The following FHAD1 variants were observed in gnomAD, a reference collection of about 807,000 sequenced individuals.
The protein encoded by FHAD1 is forkhead-associated domain-containing protein 1.
In FHAD1, 146 loss-of-function variants were observed where a neutral mutation model predicts 191.3. That is an observed-to-expected ratio of 0.76 (90% CI 0.67 to 0.88). The LOEUF is 0.88. Ranked by LOEUF, FHAD1 falls within the 40% of genes least tolerant of loss-of-function variation. FHAD1 has a pLI of 0.00. For synonymous variants in FHAD1, 616 were observed against 672.3 expected, an observed-to-expected ratio of 0.92 and a Z score of 1.29; for missense variants, 1,635 against 1,785.8, an observed-to-expected ratio of 0.92 and a Z score of 1.52.
chr1:15,278,938 G>GT (rs1042817796), intron 3 of FHAD1, among the ~76,000 whole-genome samples: 10 of 151,802 alleles, frequency 6.6e-5, no homozygotes, highest in East Asian at 3.9e-4. Context: ...TCAACTGGAA[G>GT]TTTTTTTTTA....
At chr1:15,371,531 G>A (rs912401838) in intron 26 of FHAD1, among the ~76,000 whole-genome samples, 1 of 152,142 alleles carries the variant, frequency 6.6e-6, no homozygotes, top group South Asian at 2.1e-4. Flanking sequence ...CAGCAGATCC[G>A]CAAGGAGGGG....
Position 15,272,534 on chromosome 1 carries a change from G to C in FHAD1, c.300+5G>C. 6.5e-7 allele frequency: 1 copy of C among 1,540,320 alleles called. No homozygotes were observed. Among genetic ancestry groups the C allele is most frequent in the Non-Finnish European group, 8.8e-7 (1 of 1,138,998 alleles). On this transcript the variant is annotated splice_donor_5th_base_variant and intron_variant, in intron 3 of 33. Coordinates refer to ENST00000688493, the MANE Select transcript of FHAD1 (RefSeq NM_001391957.1). ...GTCATTGAAAATCCACCTCCGGTGA[G>C]TCCGGGCCACTGGGGGATAGAGGGG...
At position 15,242,058 on chromosome 1, in the gene FHAD1, C is replaced by G. The variant is rs1446924281; in HGVS notation, c.-15+5297C>G. ...GACCAGCCTGGCCAACATGGTGAAA[C>G]CCCGTCTCTACTAAAAATACAAAAA... On this transcript the variant is annotated intron_variant, in intron 1 of 33. Coordinates refer to the FHAD1 transcript ENST00000683790. Among the ~76,000 whole-genome samples the G allele has an allele frequency of 2.6e-5, 4 of 152,026 alleles. No homozygotes were observed. The East Asian group carries it at 7.7e-4, about 29-fold the overall frequency.
intron 19 of FHAD1, 65 bp downstream of exon 19, chr1:15,349,214 C>G: frequency 7.9e-7 from 1 of 1,269,100 alleles, no homozygotes. Flanking sequence ...TGGGAGAGTA[C>G]AGTGGGAAAT....
intron 25 of FHAD1, among the ~76,000 whole-genome samples, chr1:15,368,048 T>A (rs1697021205): frequency 6.6e-6 from 1 of 152,196 alleles, no homozygotes; most frequent in Non-Finnish European, 1.5e-5. Context: ...CTTGGCTCAC[T>A]GCAACCTCTG....
In FHAD1 at chr1:15,296,836, CGCACT is replaced by C. The variant is rs56925120; in HGVS notation, c.678+47_678+51del. The C allele has an allele frequency of 5.1e-3, 7,610 of 1,483,106 alleles. 357 individuals are homozygous for C. In the African/African-American group the frequency reaches 0.093, roughly 18 times the overall value. The allele number at this position is 1,483,106 out of a possible 1,614,324, so 91.9% of individuals were successfully genotyped here. On this transcript the variant is annotated intron_variant, in intron 5 of 33. Transcript: ENST00000688493. ...GGAAGGGTGGAGCTGCAGCAGCAAG[CGCACT>C]GCAAAGGGACTTGCCGATGCCTGTT...
intron 2 of FHAD1, among the ~76,000 whole-genome samples, chr1:15,263,591 G>A (rs578248624): frequency 9.3e-4 from 132 of 142,196 alleles, no homozygotes; most frequent in African/African-American, 3.0e-3. Context: ...GCGCAATCTC[G>A]GCTCACTGCA....
chr1:15,396,843 C>T (rs1229761856), intron 33 of FHAD1, among the ~76,000 whole-genome samples: 2 of 151,032 alleles, frequency 1.3e-5, no homozygotes, highest in African/African-American at 2.4e-5. Flanking sequence ...TAAATAAGTA[C>T]AATACAATAA....
intron 28 of FHAD1, among the ~76,000 whole-genome samples, chr1:15,377,542 A>G (rs1699950411): frequency 1.3e-5 from 2 of 152,216 alleles, no homozygotes; most frequent in South Asian, 2.1e-4. Flanking sequence ...CAGCAATTCA[A>G]ATTAAGATAA....
intron 2 of FHAD1, among the ~76,000 whole-genome samples, chr1:15,257,518 C>G (rs1288107506): frequency 6.6e-6 from 1 of 152,226 alleles, no homozygotes; most frequent in Non-Finnish European, 1.5e-5. Context: ...TCAGGACGCG[C>G]CCGTTCACCT....
chr1:15,377,230 C>T (rs1363367186), intron 28 of FHAD1, among the ~76,000 whole-genome samples: 1 of 152,158 alleles, frequency 6.6e-6, no homozygotes, highest in East Asian at 1.9e-4. Flanking sequence ...TTTTTCTGGA[C>T]ATTTGCCAGA....
intron 6 of FHAD1, among the ~76,000 whole-genome samples, chr1:15,306,518 C>T (rs1309618936): frequency 6.6e-6 from 1 of 152,196 alleles, no homozygotes; most frequent in Non-Finnish European, 1.5e-5. Flanking sequence ...CAGCCCCTCC[C>T]ATCACAGGCC....
intron 33 of FHAD1, chr1:15,393,159 C>T (rs1022601698): frequency 1.3e-5 from 2 of 151,480 alleles, no homozygotes; most frequent in Non-Finnish European, 2.9e-5. Context: ...ACTGCAACCT[C>T]CACCTCCCAG....
chr1:15,253,099 T>C (rs1015208540), intron 2 of FHAD1, among the ~76,000 whole-genome samples: 17 of 151,990 alleles, frequency 1.1e-4, no homozygotes, highest in African/African-American at 3.9e-4. Flanking sequence ...AGTGGTTACT[T>C]ACTATGTGTG....
chr1:15,338,691 AC>A (rs1001046078), intron 14 of FHAD1, among the ~76,000 whole-genome samples: 12 of 151,828 alleles, frequency 7.9e-5, no homozygotes, highest in Admixed American at 7.9e-4. Context: ...CAGCATCCAC[AC>A]CCAGTAGTTC....
At chr1:15,352,025 C>G (rs1691087611) in intron 19 of FHAD1, among the ~76,000 whole-genome samples, 1 of 152,126 alleles carries the variant, frequency 6.6e-6, no homozygotes, top group Admixed American at 6.5e-5. Context: ...ATTCATTTTT[C>G]TTTTTGCCAA....
chr1:15,370,833 G>A (rs1239876568), intron 26 of FHAD1, among the ~76,000 whole-genome samples: 1 of 152,210 alleles, frequency 6.6e-6, no homozygotes, highest in Non-Finnish European at 1.5e-5. Flanking sequence ...AGCCTAGAGA[G>A]CATGGCGTTC....
intron 14 of FHAD1, chr1:15,330,202 C>T (rs1345922210): frequency 6.6e-6 from 1 of 152,300 alleles, no homozygotes; most frequent in Non-Finnish European, 1.5e-5. Flanking sequence ...CTATCATGGG[C>T]ACTTAGGTGA....
Position 15,327,102 on chromosome 1 carries a change from G to C in FHAD1, c.1517G>C (p.Arg506Pro). Residue 506 changes from arginine to proline, a missense_variant, in exon 12 of 34, where the codon CGG (arginine) becomes CCG (proline). Physicochemically the swap from Arg to Pro is moderately radical, Grantham distance 103. Transcript: ENST00000688493. The surrounding 1 kb of genome is among the most constrained non-coding windows in gnomAD (Gnocchi z 5.1). The part of the protein sequence containing the change: ...RSQVIKATYG[R>P]AKPFRDKPVT... The stretch of plus-strand genomic sequence containing the variant: ...CAAGTCATCAAGGCCACCTATGGAC[G>C]GGCGAAGCCGTTCCGGGACAAGCCC... The C allele has an allele frequency of 6.4e-7, 1 of 1,551,226 alleles. No individual in the cohort carries two copies. The highest frequency in any genetic ancestry group is 8.7e-7 in the Non-Finnish European group (1 of 1,146,858).
Sources: allele counts gnomAD v4.1 joint callset (sites outside exome capture counted in the v4.1 genomes callset), GRCh38; gene constraint gnomAD v4.1.1; non-coding constraint Gnocchi (gnomAD v3.1); transcripts MANE v1.5; gene names NCBI Gene and HGNC (gene_info 2026-07-23, HGNC 2026-07-21).